The following SLC44A1 variants were observed in gnomAD, a reference collection of about 807,000 sequenced individuals.
SLC44A1 encodes solute carrier family 44 member 1.
In SLC44A1, 26 loss-of-function variants were observed where a neutral mutation model predicts 79.3. That is an observed-to-expected ratio of 0.33 (90% CI 0.24 to 0.46). The LOEUF is 0.46. SLC44A1 is among the 20% of genes least tolerant of loss of function. SLC44A1 has a pLI of 1.00. For missense variants in SLC44A1, 688 were observed against 798.1 expected (o/e 0.86, Z 1.66); for synonymous variants, 263 against 286.2 (o/e 0.92, Z 0.82).
At chr9:105,336,287 T>C (rs2131360842) in intron 4 of SLC44A1, among the ~76,000 whole-genome samples, 1 of 152,194 alleles carries the variant, frequency 6.6e-6, no homozygotes, top group East Asian at 1.9e-4. Flanking sequence ...GTGTATATAG[T>C]TTTGTGTTCT....
intron 5 of SLC44A1, among the ~76,000 whole-genome samples, chr9:105,355,155 A>G (rs956479109): frequency 6.6e-6 from 1 of 152,270 alleles, no homozygotes; most frequent in Non-Finnish European, 1.5e-5. Flanking sequence ...GTATTTATGC[A>G]TGGACATACA....
Position 105,244,739 on chromosome 9 carries a change from A to C in SLC44A1, c.-130A>C. The C allele has an allele frequency of 2.5e-6, 1 of 398,424 alleles. No homozygotes were observed. The allele number at this position is 398,424 out of a possible 1,614,324, so 24.7% of individuals were successfully genotyped here. ...CCTCTTGAGTACCAGCCGCCGCTGCAGCCGCCGCCGCCGCCTAGCCGTGCG... is the reference window on the plus strand; with the variant it reads ...CCTCTTGAGTACCAGCCGCCGCTGCCGCCGCCGCCGCCGCCTAGCCGTGCG... On this transcript the variant is annotated 5_prime_UTR_variant, in exon 1 of 16. Transcript: ENST00000374720.
At chr9:105,433,295 T>TCAAACAAA (rs112275450) in intron 15 of SLC44A1, among the ~76,000 whole-genome samples, 6 of 151,724 alleles carry the variant, frequency 4.0e-5, no homozygotes, top group African/African-American at 1.2e-4. Context: ...AGACTCCATC[T>TCAAACAAA]CAAACAAACA....
In SLC44A1 at chr9:105,383,316, A is replaced by T; in HGVS notation, c.1826A>T (p.Asp609Val). ...LCFAIDTKYN[D>V]GSPGREFYMD... ...TTTGCCATTGATACAAAATACAATG[A>T]TGGGAGCCCTGGCAGAGAATTCTAT... Residue 609 changes from aspartate (D) to valine (V), a missense_variant, in exon 14 of 16, where the codon GAT (aspartate) becomes GTT (valine). Coordinates refer to ENST00000374720, the MANE Select transcript of SLC44A1 (RefSeq NM_080546.5). The T allele has an allele frequency of 5.0e-6, 8 of 1,613,214 alleles. No individual in the cohort carries two copies. Among genetic ancestry groups the T allele is most frequent in the South Asian group, 1.1e-5 (1 of 91,066 alleles).
chr9:105,385,892 G>A (rs911919931), intron 15 of SLC44A1: 1 of 985,186 alleles, frequency 1.0e-6, no homozygotes. Context: ...TTTGGAAGGT[G>A]ATCATAGCAA....
rs1828748827 is a variant in SLC44A1, at chr9:105,390,908, C to T, written c.*1852C>T. ...ACATCTAATATCTAGTATCACCAAA[C>T]AGTATCGCTGTTCTCTTTTATTCAT... is the stretch of plus-strand genomic sequence containing the variant. On this transcript the variant is annotated 3_prime_UTR_variant, in exon 16 of 16. Transcript: ENST00000374720. The T allele has an allele frequency of 2.0e-6, 2 of 981,436 alleles. No individual in the cohort carries two copies. Among genetic ancestry groups the T allele is most frequent in the Non-Finnish European group, 2.4e-6 (2 of 826,164 alleles). 60.8% of individuals were successfully genotyped at this position (981,436 alleles called of 1,614,324 possible). A position where few individuals can be genotyped will look rare whatever the true frequency, so the allele number is the denominator to read the frequency against.
chr9:105,261,660 C>G (rs1024178772), intron 1 of SLC44A1, among the ~76,000 whole-genome samples: 2 of 151,710 alleles, frequency 1.3e-5, no homozygotes, highest in Non-Finnish European at 2.9e-5. Context: ...CTGGGCTCAA[C>G]AAAGAATGAG....
intron 1 of SLC44A1, among the ~76,000 whole-genome samples, chr9:105,273,558 T>C (rs544587104): frequency 1.3e-5 from 2 of 152,352 alleles, no homozygotes; most frequent in South Asian, 2.1e-4. Context: ...TGGGCTCTTA[T>C]ATCATTTCAT....
chr9:105,325,245 C>A (rs1826535895), intron 3 of SLC44A1, among the ~76,000 whole-genome samples: 2 of 152,080 alleles, frequency 1.3e-5, no homozygotes, highest in African/African-American at 4.8e-5. Flanking sequence ...ATAAAAGAAG[C>A]CAGCCACATA....
intron 13 of SLC44A1, among the ~76,000 whole-genome samples, chr9:105,379,148 C>T (rs537840488): frequency 2.0e-5 from 3 of 152,040 alleles, no homozygotes; most frequent in Admixed American, 6.6e-5. Context: ...TGGTGGGGTG[C>T]GTCTGTATTC....
At chr9:105,290,532 G>A (rs1300129340) in intron 1 of SLC44A1, among the ~76,000 whole-genome samples, 1 of 152,234 alleles carries the variant, frequency 6.6e-6, no homozygotes, top group Non-Finnish European at 1.5e-5. Context: ...TGATAATAGA[G>A]GTAAAATATG....
At position 105,244,662 on chromosome 9, in the gene SLC44A1, C is replaced by A; in HGVS notation, c.-207C>A. 3.9e-6 allele frequency: 1 copy of A among 254,042 alleles called. No homozygotes were observed. Among genetic ancestry groups the A allele is most frequent in the Non-Finnish European group, 7.4e-6 (1 of 134,678 alleles). 15.7% of individuals were successfully genotyped at this position (254,042 alleles called of 1,614,324 possible). A position where few individuals can be genotyped will look rare whatever the true frequency, so the allele number is the denominator to read the frequency against. On this transcript the variant is annotated 5_prime_UTR_variant, in exon 1 of 16. Transcript: ENST00000374720. ...AGGAGCAGAGCAGGAGACGCGTAGC[C>A]GCCGTCGCCGCCGCCGGGGGATGTG... is the stretch of plus-strand genomic sequence containing the variant.
At chr9:105,373,828 A>C (rs771676534) in intron 12 of SLC44A1, among the ~76,000 whole-genome samples, 5 of 152,204 alleles carry the variant, frequency 3.3e-5, no homozygotes, top group South Asian at 2.1e-4. Flanking sequence ...GAAGAGAAAG[A>C]AAGCCTTTTT....
chr9:105,400,827 C>A (rs929585518), downstream of SLC44A1, among the ~76,000 whole-genome samples: 2 of 152,176 alleles, frequency 1.3e-5, no homozygotes, highest in Non-Finnish European at 2.9e-5. Context: ...CTTTATTGAA[C>A]CTTTGCAAGG....
intron 1 of SLC44A1, among the ~76,000 whole-genome samples, chr9:105,253,042 A>G (rs1829626225): frequency 6.6e-6 from 1 of 152,248 alleles, no homozygotes; most frequent in African/African-American, 2.4e-5. Context: ...GGATTCATTT[A>G]ACAAACATTT....
intron 12 of SLC44A1, 66 bp from the exon 13 acceptor site, chr9:105,374,532 T>C: frequency 6.6e-7 from 1 of 1,507,904 alleles, no homozygotes; most frequent in African/African-American, 1.4e-5. Context: ...TTAGCTATGC[T>C]CAGTTTCTAT....
In SLC44A1 at chr9:105,354,133, C is replaced by T. The variant is rs544595669; in HGVS notation, c.501-2079C>T. Among the ~76,000 whole-genome samples, 15 of 141,448 alleles carry T rather than the reference C, an allele frequency of 1.1e-4. No individual in the cohort carries two copies. In the South Asian group the frequency reaches 3.2e-3, roughly 30 times the overall value. 92.8% of individuals were successfully genotyped at this position (141,448 alleles called of 152,430 possible). On this transcript the variant is annotated intron_variant, in intron 5 of 15. Coordinates refer to ENST00000374720, the MANE Select transcript of SLC44A1 (RefSeq NM_080546.5). ...TGGCGCGATCTCGGCTCACTGCAAGCTCCGCCTCCCGGGTTCACGCCATTC... is the reference window on the plus strand; with the variant it reads ...TGGCGCGATCTCGGCTCACTGCAAGTTCCGCCTCCCGGGTTCACGCCATTC...
intron 1 of SLC44A1, among the ~76,000 whole-genome samples, chr9:105,270,658 T>C (rs749452006): frequency 3.9e-5 from 6 of 152,234 alleles, no homozygotes; most frequent in Non-Finnish European, 7.3e-5. Flanking sequence ...CTACACCTTG[T>C]ACCCTAGCTG....
chr9:105,298,615 G>A (rs1307331669), intron 1 of SLC44A1, among the ~76,000 whole-genome samples: 1 of 152,130 alleles, frequency 6.6e-6, no homozygotes, highest in Non-Finnish European at 1.5e-5. Context: ...CTCCCAAAGT[G>A]CTGGGATTAC....
Sources: gnomAD v4.1 joint callset for allele counts (sites outside exome capture counted in the v4.1 genomes callset) on GRCh38, gnomAD v4.1.1 for gene constraint, MANE v1.5 for transcripts, NCBI Gene and HGNC (gene_info 2026-07-23, HGNC 2026-07-21) for gene names.